MGA: variants seen among roughly 807,000 people sequenced by gnomAD.
MGA encodes MAX dimerization protein MGA.
In MGA, 40 loss-of-function variants were observed where a neutral mutation model predicts 261.1. The ratio of observed to expected loss-of-function variants is 0.15; its 90% CI spans 0.12 to 0.20. MGA has a LOEUF of 0.20. MGA is among the 10% of genes least tolerant of loss of function. The pLI, the probability that MGA is intolerant of heterozygous loss-of-function variation, is 1.00. For missense variants in MGA, 3,397 were observed against 3,630.5 expected (o/e 0.94, Z 1.65); for synonymous variants, 1,302 against 1,290.6 (o/e 1.01, Z -0.19).
chr15:41,769,299 CTTT>C lies in MGA; in HGVS notation c.*2037_*2039del, dbSNP rs530927124. 0.019 allele frequency: 2,484 copies of C among 132,440 alleles called. 69 individuals are homozygous for C. Among genetic ancestry groups the C allele is most frequent in the African/African-American group, 0.066 (2,359 of 35,802 alleles). 8.2% of individuals were successfully genotyped at this position (132,440 alleles called of 1,614,324 possible). ...AAGGACCATTTTAGCTTAACACTTC[CTTT>C]TTTTTTTTTTTTTTTTTAAGAAGAA... is the stretch of plus-strand genomic sequence containing the variant. On this transcript the variant is annotated 3_prime_UTR_variant, in exon 24 of 24. Transcript: ENST00000219905.
At chr15:41,738,026 T>C (rs771070197) in intron 13 of MGA, among the ~76,000 whole-genome samples, 1 of 151,428 alleles carries the variant, frequency 6.6e-6, no homozygotes, top group Non-Finnish European at 1.5e-5. Context: ...TGTGTGGAAG[T>C]GTCTGATATT....
chr15:41,745,302 A>AG (rs2062389880), intron 15 of MGA, among the ~76,000 whole-genome samples: 9 of 148,700 alleles, frequency 6.1e-5, no homozygotes, highest in Non-Finnish European at 1.3e-4. Flanking sequence ...AAAAAAAAAA[A>AG]AAAAAGAGAC....
At chr15:41,755,899 G>T (rs947373580) in intron 18 of MGA, among the ~76,000 whole-genome samples, 1 of 152,038 alleles carries the variant, frequency 6.6e-6, no homozygotes, top group Middle Eastern at 3.2e-3. Flanking sequence ...CACGCCTGTA[G>T]TCCCAGCTAC....
At chr15:41,685,162 G>A (rs2058888887) in intron 2 of MGA, among the ~76,000 whole-genome samples, 1 of 152,132 alleles carries the variant, frequency 6.6e-6, no homozygotes, top group African/African-American at 2.4e-5. Flanking sequence ...TGAAGGGTCA[G>A]GGTTCGTATT....
chr15:41,755,931 A>T (rs934722308), intron 18 of MGA, among the ~76,000 whole-genome samples: 33 of 152,058 alleles, frequency 2.2e-4, no homozygotes, highest in African/African-American at 8.0e-4. Flanking sequence ...AGGCAGGAGG[A>T]TTGCTTGAAC....
At chr15:41,685,707 G>A (rs1247097882) in intron 2 of MGA, among the ~76,000 whole-genome samples, 1 of 152,010 alleles carries the variant, frequency 6.6e-6, no homozygotes, top group African/African-American at 2.4e-5. Flanking sequence ...TAATTTTCCA[G>A]TTTTGGCTGG....
intron 13 of MGA, among the ~76,000 whole-genome samples, chr15:41,738,152 G>T (rs956086243): frequency 6.6e-6 from 1 of 152,122 alleles, no homozygotes; most frequent in African/African-American, 2.4e-5. Context: ...TGTAATACCA[G>T]CACTTTGGGA....
At position 41,748,885 on chromosome 15, in the gene MGA, A is replaced by G. The variant is rs757193316; in HGVS notation, c.5461A>G (p.Asn1821Asp). 4 of 1,613,928 alleles carry G rather than the reference A, an allele frequency of 2.5e-6. No homozygotes were observed. Among genetic ancestry groups the G allele is most frequent in the Admixed American group, 1.7e-5 (1 of 60,016 alleles). Residue 1821 changes from asparagine to aspartate, a missense_variant, in exon 16 of 24, where the codon AAT (asparagine) becomes GAT (aspartate). Coordinates refer to ENST00000219905, the MANE Select transcript of MGA (RefSeq NM_001164273.2). ...ACCTTTGCATCAGCTTCGAGGCTCT[A>G]ATACCCAGCCCAACTTACAGCCTGT... is the stretch of plus-strand genomic sequence containing the variant.
chr15:41,760,549 G>T lies in MGA; in HGVS notation c.7398+20G>T. The T allele has an allele frequency of 1.2e-6, 2 of 1,609,314 alleles. No individual in the cohort carries two copies. The highest frequency in any genetic ancestry group is 1.7e-6 in the Non-Finnish European group (2 of 1,175,890). On this transcript the variant is annotated intron_variant, in intron 20 of 23. Coordinates refer to ENST00000219905, the MANE Select transcript of MGA (RefSeq NM_001164273.2). ...ACTCGAGTAAGTGTTCTGTGTAAATGACAGTAAGAGCTTGACTAAGAGATT... is the reference window on the plus strand; with the variant it reads ...ACTCGAGTAAGTGTTCTGTGTAAATTACAGTAAGAGCTTGACTAAGAGATT...
At chr15:41,693,012 T>C (rs1364694738) in intron 2 of MGA, among the ~76,000 whole-genome samples, 2 of 152,100 alleles carry the variant, frequency 1.3e-5, no homozygotes, top group Non-Finnish European at 2.9e-5. Context: ...TTTTAAAAAA[T>C]ATTTTAGTAC....
chr15:41,649,363 C>T (rs1268200644), intron 1 of MGA, among the ~76,000 whole-genome samples: 3 of 125,230 alleles, frequency 2.4e-5, no homozygotes, highest in African/African-American at 9.1e-5. Flanking sequence ...GCCTGGACAA[C>T]AGAGTGAGAC....
chr15:41,748,557 A>G (rs1209536412), intron 15 of MGA, 80 bp from the exon 16 acceptor site: 6 of 1,459,490 alleles, frequency 4.1e-6, no homozygotes, highest in Non-Finnish European at 5.5e-6. Context: ...CTGTGTCTTA[A>G]AAAATATTAT....
chr15:41,760,310 CT>C lies in MGA; in HGVS notation c.7192-11del. On this transcript the variant is annotated splice_polypyrimidine_tract_variant and intron_variant, in intron 19 of 23. Coordinates refer to ENST00000219905, the MANE Select transcript of MGA (RefSeq NM_001164273.2). ...ATGTTCAAGATGTTTAGGAGGCAAT[CT>C]TGTTTGGACAGGCTCCACCAATTCC... is the stretch of plus-strand genomic sequence containing the variant. The C allele has an allele frequency of 6.2e-7, 1 of 1,613,496 alleles. No homozygotes were observed. The highest frequency in any genetic ancestry group is 8.5e-7 in the Non-Finnish European group (1 of 1,179,564).
Position 41,757,796 on chromosome 15 carries a change from C to T in MGA, c.7148C>T (p.Thr2383Ile). The T allele has an allele frequency of 1.2e-6, 2 of 1,610,066 alleles. No individual in the cohort carries two copies. Among genetic ancestry groups the T allele is most frequent in the African/African-American group, 2.7e-5 (2 of 74,952 alleles). ...ATCCTGTCTTTATCCAGGTCCTGTA[C>T]TCACATCTCTGCAGATGAAAAAGCA... Residue 2383 changes from threonine to isoleucine, a missense_variant, in exon 19 of 24, where the codon ACT (threonine) becomes ATT (isoleucine). By Grantham distance (89) the Thr-to-Ile change is moderately conservative. Around this residue, in one of 9 missense-constraint regions of MGA, gnomAD observed 1,410 missense variants for 1,386.4 expected, o/e 1.02. Transcript: ENST00000219905.
chr15:41,739,881 A>T, intron 13 of MGA, 25 bp from the exon 14 acceptor site: 1 of 1,601,852 alleles, frequency 6.2e-7, no homozygotes, highest in Non-Finnish European at 8.5e-7. Flanking sequence ...ATCTTTACAG[A>T]ATTTCTCTTT....
chr15:41,699,917 A>C (rs927198804), intron 5 of MGA, among the ~76,000 whole-genome samples: 2 of 150,480 alleles, frequency 1.3e-5, no homozygotes, highest in African/African-American at 4.9e-5. Context: ...TTAATTTAAA[A>C]TTTTCATTAT....
intron 1 of MGA, among the ~76,000 whole-genome samples, chr15:41,631,204 T>A (rs2056580842): frequency 6.6e-6 from 1 of 152,196 alleles, no homozygotes; most frequent in Non-Finnish European, 1.5e-5. Flanking sequence ...TTATATGCAG[T>A]CTTATATCAG....
upstream of MGA, among the ~76,000 whole-genome samples, chr15:41,656,054 A>G (rs779524259): frequency 5.3e-5 from 8 of 152,222 alleles, no homozygotes; most frequent in Non-Finnish European, 8.8e-5. Flanking sequence ...AATGCGGAAG[A>G]CATATTAATA....
chr15:41,726,118 C>T (rs1056040040), intron 9 of MGA, among the ~76,000 whole-genome samples: 2 of 152,128 alleles, frequency 1.3e-5, no homozygotes, highest in Non-Finnish European at 2.9e-5. Flanking sequence ...GTTTTTACTC[C>T]TGTACTGAGT....
Sources: allele counts gnomAD v4.1 joint callset (sites outside exome capture counted in the v4.1 genomes callset), GRCh38; gene constraint gnomAD v4.1.1; regional missense constraint gnomAD v4.1.1; transcripts MANE v1.5; gene names NCBI Gene and HGNC (gene_info 2026-07-23, HGNC 2026-07-21).